The following SYNPR variants were observed in gnomAD, a reference collection of about 807,000 sequenced individuals.
SYNPR encodes synaptoporin.
A neutral mutation model predicts 32.9 loss-of-function variants in SYNPR; 23 were observed. That is an observed-to-expected ratio of 0.70 (90% CI 0.50 to 0.99). The LOEUF is 0.99. Among genes scored for constraint, SYNPR ranks in the 50% least tolerant of loss-of-function variants. The probability of loss-of-function intolerance (pLI) is 0.00; values close to 1 mark genes in which losing one functional copy is unlikely to be tolerated. For synonymous variants in SYNPR, 146 were observed against 135.9 expected (o/e 1.07, Z -0.52); for missense variants, 318 against 349.3 (o/e 0.91, Z 0.71).
At position 63,615,666 on chromosome 3, in the gene SYNPR, A is replaced by C. The variant is rs1700269181; in HGVS notation, c.*185A>C. On this transcript the variant is annotated 3_prime_UTR_variant, in exon 6 of 6. Transcript: ENST00000478300. ...AAATGATACTTAGAGATGAGGCGAC[A>C]TGAGGAGATATATTATTCATCATAG... The C allele has an allele frequency of 2.8e-6, 2 of 702,596 alleles. 1 individual carries two copies. 43.5% of individuals were successfully genotyped at this position (702,596 alleles called of 1,614,324 possible). A position where few individuals can be genotyped will look rare whatever the true frequency, so the allele number is the denominator to read the frequency against.
chr3:63,616,865 C>T lies in SYNPR; in HGVS notation c.*1384C>T, dbSNP rs1700285310. The stretch of plus-strand genomic sequence containing the variant: ...ATATCTGTAACCAGTTTCTGAATCC[C>T]GTTGGATAAAACTGTATTGTGATAT... On this transcript the variant is annotated 3_prime_UTR_variant, in exon 6 of 6. Transcript: ENST00000478300. 2 of 152,184 alleles carry T rather than the reference C, an allele frequency of 1.3e-5. No homozygotes were observed. Among genetic ancestry groups the T allele is most frequent in the East Asian group, 1.9e-4 (1 of 5,192 alleles). 9.4% of individuals were successfully genotyped at this position (152,184 alleles called of 1,614,324 possible).
intron 2 of SYNPR, among the ~76,000 whole-genome samples, chr3:63,421,539 A>C (rs1003002883): frequency 6.6e-6 from 1 of 152,078 alleles, no homozygotes; most frequent in Non-Finnish European, 1.5e-5. Context: ...TAAAAAATGA[A>C]AATTAATCTA....
intron 2 of SYNPR, among the ~76,000 whole-genome samples, chr3:63,283,190 G>C (rs549895220): frequency 1.0e-3 from 159 of 152,214 alleles, no homozygotes; most frequent in African/African-American, 3.7e-3. Flanking sequence ...CACATGAACT[G>C]GTATTACCTT....
chr3:63,322,913 G>A (rs914449877), intron 2 of SYNPR, among the ~76,000 whole-genome samples: 5 of 151,970 alleles, frequency 3.3e-5, no homozygotes, highest in Non-Finnish European at 7.4e-5. Flanking sequence ...TGTGCTATAG[G>A]GCATTTCTCC....
At chr3:63,365,828 G>A (rs1396613652) in intron 2 of SYNPR, among the ~76,000 whole-genome samples, 2 of 152,092 alleles carry the variant, frequency 1.3e-5, no homozygotes, top group Admixed American at 1.3e-4. Context: ...TTTCTATTCA[G>A]CTGAAAAGCA....
At chr3:63,362,310 CTTTTGT>C (rs1466380645) in intron 2 of SYNPR, among the ~76,000 whole-genome samples, 1 of 152,106 alleles carries the variant, frequency 6.6e-6, no homozygotes. Flanking sequence ...TTTGTTTTTG[CTTTTGT>C]TTTTGTTTTG....
chr3:63,345,414 G>C (rs1001000581), intron 2 of SYNPR, among the ~76,000 whole-genome samples: 2 of 152,216 alleles, frequency 1.3e-5, no homozygotes, highest in Non-Finnish European at 2.9e-5. Context: ...TGCATAGTCA[G>C]TTTCATTAGC....
At chr3:63,584,340 A>G (rs936885064) in intron 4 of SYNPR, among the ~76,000 whole-genome samples, 6 of 152,112 alleles carry the variant, frequency 3.9e-5, no homozygotes, top group African/African-American at 1.4e-4. Context: ...CTTTGGCAAG[A>G]GAGAACACAC....
At chr3:63,232,725 A>G (rs1424912380) in intron 1 of SYNPR, among the ~76,000 whole-genome samples, 3 of 152,172 alleles carry the variant, frequency 2.0e-5, no homozygotes, top group Non-Finnish European at 4.4e-5. Flanking sequence ...TAAAACGGGA[A>G]TGGGCTCAGT....
chr3:63,236,335 T>A (rs2086199973), intron 1 of SYNPR, among the ~76,000 whole-genome samples: 1 of 152,112 alleles, frequency 6.6e-6, no homozygotes, highest in South Asian at 2.1e-4. Flanking sequence ...TTTTTTTTGA[T>A]CAAGATACTT....
intron 4 of SYNPR, among the ~76,000 whole-genome samples, chr3:63,563,554 C>T (rs1702727787): frequency 6.6e-6 from 1 of 152,138 alleles, no homozygotes; most frequent in Admixed American, 6.5e-5. Flanking sequence ...CAATTCCCCT[C>T]TGTCTTCTTC....
chr3:63,496,084 C>T (rs1241876968), intron 3 of SYNPR, among the ~76,000 whole-genome samples: 1 of 151,800 alleles, frequency 6.6e-6, no homozygotes, highest in Non-Finnish European at 1.5e-5. Context: ...GTATTTTCCT[C>T]CCAATTTTTC....
chr3:63,568,715 CA>C (rs1173767091), intron 4 of SYNPR, among the ~76,000 whole-genome samples: 1 of 152,042 alleles, frequency 6.6e-6, no homozygotes, highest in East Asian at 1.9e-4. Flanking sequence ...AGCAGATCCT[CA>C]AGGGGAGAGA....
chr3:63,412,651 C>A (rs1226780463), intron 2 of SYNPR, among the ~76,000 whole-genome samples: 4 of 152,048 alleles, frequency 2.6e-5, no homozygotes, highest in Non-Finnish European at 5.9e-5. Flanking sequence ...GACAGTAATG[C>A]AAAGACTTAG....
chr3:63,205,550 T>C, the SYNPR span, among the ~76,000 whole-genome samples: 55 of 152,322 alleles, frequency 3.6e-4, no homozygotes, highest in African/African-American at 1.2e-3. Context: ...ACTGTTAAAG[T>C]TGGCTCTCGC....
chr3:63,493,219 T>C (rs1247185105), intron 3 of SYNPR, among the ~76,000 whole-genome samples: 2 of 152,066 alleles, frequency 1.3e-5, no homozygotes, highest in Non-Finnish European at 2.9e-5. Flanking sequence ...AATGGCATTT[T>C]GTGAGCCATG....
intron 4 of SYNPR, among the ~76,000 whole-genome samples, chr3:63,557,177 C>T (rs1043333257): frequency 1.3e-5 from 2 of 152,102 alleles, no homozygotes; most frequent in East Asian, 1.9e-4. Flanking sequence ...CTTTCTGTTG[C>T]CTCGTACAAT....
intron 3 of SYNPR, among the ~76,000 whole-genome samples, chr3:63,548,107 C>T (rs536452755): frequency 2.0e-4 from 30 of 152,282 alleles, no homozygotes; most frequent in African/African-American, 6.5e-4. Context: ...TCTCATTCCC[C>T]ATAGTTCATT....
chr3:63,320,103 C>A (rs1265836808), intron 2 of SYNPR, among the ~76,000 whole-genome samples: 1 of 151,926 alleles, frequency 6.6e-6, no homozygotes, highest in South Asian at 2.1e-4. Flanking sequence ...ATGTGCAGCA[C>A]CATACCTGGC....
Sources: gnomAD v4.1 joint callset for allele counts (sites outside exome capture counted in the v4.1 genomes callset) on GRCh38, gnomAD v4.1.1 for gene constraint, MANE v1.5 for transcripts, NCBI Gene and HGNC (gene_info 2026-07-23, HGNC 2026-07-21) for gene names.